Variants in CSMD1 observed in about 807,000 individuals in gnomAD.
CSMD1 encodes the protein CUB and Sushi multiple domains 1, also known as CUB and sushi domain-containing protein 1.
Under a neutral mutation model 417.5 loss-of-function variants are expected in CSMD1, and 213 were observed. The observed-to-expected ratio is 0.51, with a 90% confidence interval of 0.46 to 0.57. The LOEUF (loss-of-function observed/expected upper bound fraction) is 0.57, where lower values mean the gene tolerates loss of function less well. CSMD1 is among the 20% of genes least tolerant of loss of function. The pLI, the probability that CSMD1 is intolerant of heterozygous loss-of-function variation, is 0.00. For synonymous variants in CSMD1, 2,862 were observed against 1,736.8 expected (o/e 1.65, Z -16.11); for missense variants, 6,923 against 4,529.7 (o/e 1.53, Z -15.17).
rs186546039 is a variant in CSMD1, at chr8:3,713,387, A to G, written c.932-4896T>C. ...AATGGCAATAATGTAAGAAGTGAAT[A>G]CAACTATTGCTACTTGATGCCACTT... On this transcript the variant is annotated intron_variant, in intron 6 of 69. Transcript: ENST00000635120. 3.1e-3 allele frequency among the ~76,000 whole-genome samples: 477 copies of G among 152,270 alleles called. 5 individuals are homozygous for G. Among genetic ancestry groups the G allele is most frequent in the African/African-American group, 0.011 (464 of 41,550 alleles).
At position 4,982,850 on chromosome 8, in the gene CSMD1, G is replaced by C. The variant is rs114832066; in HGVS notation, c.85+11482C>G. On this transcript the variant is annotated intron_variant, in intron 1 of 69. Transcript: ENST00000635120. ...ACGACATGCCCCTTCCGTGTCTCTT[G>C]TTGCCAGCAAAGAATGCAGGAAAGG... is the stretch of plus-strand genomic sequence containing the variant. 4.1e-3 allele frequency among the ~76,000 whole-genome samples: 630 copies of C among 152,242 alleles called. 7 individuals carry two copies. The highest frequency in any genetic ancestry group is 0.015 in the African/African-American group (606 of 41,542).
intron 1 of CSMD1, among the ~76,000 whole-genome samples, chr8:4,738,905 G>GTGTGTGTGTGTGTGTGTA (rs1554464193): frequency 3.3e-5 from 5 of 150,814 alleles, no homozygotes; most frequent in African/African-American, 9.7e-5. Flanking sequence ...CTGTGTGTTT[G>GTGTGTGTGTGTGTGTGTA]TGTGTGTGTG....
At chr8:3,883,664 A>G (rs957834061) in intron 5 of CSMD1, among the ~76,000 whole-genome samples, 1 of 152,158 alleles carries the variant, frequency 6.6e-6, no homozygotes, top group Admixed American at 6.5e-5. Context: ...TTATTAATTT[A>G]CACTAACTTC....
At chr8:3,920,896 G>C (rs1164034456) in intron 5 of CSMD1, among the ~76,000 whole-genome samples, 1 of 152,022 alleles carries the variant, frequency 6.6e-6, no homozygotes, top group Non-Finnish European at 1.5e-5. Context: ...GAGAATTTTT[G>C]CATCTATTTT....
chr8:3,823,888 T>C (rs76863080), intron 5 of CSMD1, among the ~76,000 whole-genome samples: 10,366 of 152,224 alleles, frequency 0.068, 847 homozygotes, highest in African/African-American at 0.19. Flanking sequence ...CTCAGTTTCA[T>C]TGTAACGATT....
chr8:3,546,558 A>T (rs1033139109), intron 10 of CSMD1, among the ~76,000 whole-genome samples: 24 of 152,080 alleles, frequency 1.6e-4, no homozygotes, highest in African/African-American at 4.6e-4. Context: ...AAATCCTGAT[A>T]CTGTCACCAT....
rs113178833 is a variant in CSMD1, at chr8:4,669,904, C to A, written c.86-32346G>T. Among the ~76,000 whole-genome samples, 722 of 152,240 alleles carry A rather than the reference C, an allele frequency of 4.7e-3. 4 individuals carry two copies. The highest frequency in any genetic ancestry group is 7.8e-3 in the Non-Finnish European group (530 of 68,024). On this transcript the variant is annotated intron_variant, in intron 1 of 69. Transcript: ENST00000635120. The stretch of plus-strand genomic sequence containing the variant: ...TCTAGAACTGCTGAAAGGTGCAGAG[C>A]CCCAGTGTGCTATACTCCTTTATTT...
chr8:4,313,744 A>G (rs1219912933), intron 3 of CSMD1, among the ~76,000 whole-genome samples: 2 of 152,130 alleles, frequency 1.3e-5, no homozygotes, highest in Admixed American at 1.3e-4. Flanking sequence ...GGCCGGGCAC[A>G]GTGGCTCACA....
chr8:4,266,434 G>T (rs1297762731), intron 3 of CSMD1, among the ~76,000 whole-genome samples: 1 of 104,476 alleles, frequency 9.6e-6, no homozygotes, highest in African/African-American at 2.6e-5. Flanking sequence ...ATTATAATAT[G>T]TTAGGTTATA....
In CSMD1 at chr8:4,206,361, C is replaced by G. The variant is rs77106391; in HGVS notation, c.416-174262G>C. On this transcript the variant is annotated intron_variant, in intron 3 of 69. Coordinates refer to ENST00000635120, the MANE Select transcript of CSMD1 (RefSeq NM_033225.6). ...CCTTTCCCCTCCCCCCAACCCACCA[C>G]AGGCCCCGGTATGTCATATTCCCCA... Among the ~76,000 whole-genome samples the G allele has an allele frequency of 1.5e-4, 23 of 151,978 alleles. 1 individual carries two copies. The highest frequency in any genetic ancestry group is 5.2e-4 in the Admixed American group (8 of 15,240).
intron 2 of CSMD1, among the ~76,000 whole-genome samples, chr8:4,540,154 G>C (rs1445948151): frequency 3.3e-5 from 5 of 152,184 alleles, no homozygotes; most frequent in Non-Finnish European, 7.3e-5. Context: ...GCAATGTAAA[G>C]CATGATGGAC....
intron 1 of CSMD1, among the ~76,000 whole-genome samples, chr8:4,781,046 G>T (rs1797127442): frequency 1.3e-5 from 2 of 152,108 alleles, no homozygotes; most frequent in Admixed American, 6.6e-5. Flanking sequence ...TCCTGCTTCT[G>T]AACCTCATTT....
intron 10 of CSMD1, among the ~76,000 whole-genome samples, chr8:3,512,055 A>G (rs1797097100): frequency 6.6e-6 from 1 of 152,080 alleles, no homozygotes. Context: ...TGGATCCACT[A>G]TGTGGCCCTA....
rs184098031 is a variant in CSMD1, at chr8:3,117,861, C to T, written c.6430+538G>A. ...TACCTGTACACTGCGCTCTTTCTTA[C>T]ACTGTTTCTTCTACCTGGAGTGTTC... is the stretch of plus-strand genomic sequence containing the variant. On this transcript the variant is annotated intron_variant, in intron 42 of 69. Transcript: ENST00000635120. Among the ~76,000 whole-genome samples the T allele has an allele frequency of 8.4e-4, 128 of 152,308 alleles. 1 individual carries two copies. The highest frequency in any genetic ancestry group is 4.1e-3 in the South Asian group (20 of 4,824).
At chr8:4,362,068 G>A (rs1468385263) in intron 3 of CSMD1, among the ~76,000 whole-genome samples, 1 of 152,106 alleles carries the variant, frequency 6.6e-6, no homozygotes, top group Non-Finnish European at 1.5e-5. Flanking sequence ...TGAAAATAAA[G>A]GCTGAGATAA....
chr8:3,434,021 T>C (rs538059003), intron 12 of CSMD1, among the ~76,000 whole-genome samples: 29 of 152,344 alleles, frequency 1.9e-4, no homozygotes, highest in Middle Eastern at 3.4e-3. Context: ...CTCTGCTTTC[T>C]CATGAACTAC....
At chr8:4,540,783 G>C (rs1329383393) in intron 2 of CSMD1, among the ~76,000 whole-genome samples, 2 of 152,034 alleles carry the variant, frequency 1.3e-5, no homozygotes, top group Non-Finnish European at 2.9e-5. Flanking sequence ...GGACCAGTGA[G>C]GTACCTTCTG....
chr8:4,471,946 A>G (rs1454027106), intron 2 of CSMD1, among the ~76,000 whole-genome samples: 1 of 152,176 alleles, frequency 6.6e-6, no homozygotes, highest in Admixed American at 6.5e-5. Context: ...TAGAGGGTGC[A>G]AAACAGTGAA....
At chr8:4,965,526 T>C (rs1013374610) in intron 1 of CSMD1, among the ~76,000 whole-genome samples, 1 of 152,216 alleles carries the variant, frequency 6.6e-6, no homozygotes, top group African/African-American at 2.4e-5. Flanking sequence ...ATGGGGCATG[T>C]GGCCCTGGCC....
Sources: gnomAD v4.1 joint callset for allele counts (sites outside exome capture counted in the v4.1 genomes callset) on GRCh38, gnomAD v4.1.1 for gene constraint, MANE v1.5 for transcripts, NCBI Gene and HGNC (gene_info 2026-07-23, HGNC 2026-07-21) for gene names.